ZC3H12C: variants seen among roughly 807,000 people sequenced by gnomAD.
ZC3H12C encodes zinc finger CCCH-type containing 12C, also known as probable ribonuclease ZC3H12C.
A neutral mutation model predicts 76.3 loss-of-function variants in ZC3H12C; 20 were observed. The ratio of observed to expected loss-of-function variants is 0.26; its 90% CI spans 0.18 to 0.38. The LOEUF (loss-of-function observed/expected upper bound fraction) is 0.38. ZC3H12C is among the 10% of genes least tolerant of loss of function. The pLI is 1.00. For missense variants in ZC3H12C, 874 were observed against 1,086.5 expected (o/e 0.80, Z 2.75); for synonymous variants, 352 against 399.6 (o/e 0.88, Z 1.42).
In ZC3H12C at chr11:110,156,061, G is replaced by C. The variant is rs533292104; in HGVS notation, c.913+3003G>C. Among the ~76,000 whole-genome samples the C allele has an allele frequency of 2.6e-5, 4 of 152,128 alleles. No individual in the cohort carries two copies. The East Asian group carries it at 7.7e-4, about 29-fold the overall frequency. Reference sequence around the variant, plus strand: ...AAAAATACCAGCATGCCAGTCCCTGGAACACATCAGTATGCAGATTGCTTT... The same window carrying C: ...AAAAATACCAGCATGCCAGTCCCTGCAACACATCAGTATGCAGATTGCTTT... On this transcript the variant is annotated intron_variant, in intron 3 of 5. Transcript: ENST00000278590.
At chr11:110,151,569 A>G (rs1439160538) in intron 2 of ZC3H12C, among the ~76,000 whole-genome samples, 1 of 152,198 alleles carries the variant, frequency 6.6e-6, no homozygotes, top group African/African-American at 2.4e-5. Context: ...CTCTCTAGAG[A>G]TACCATTTTC....
intron 1 of ZC3H12C, among the ~76,000 whole-genome samples, chr11:110,100,725 G>C (rs1861199603): frequency 6.6e-6 from 1 of 152,170 alleles, no homozygotes; most frequent in Non-Finnish European, 1.5e-5. Flanking sequence ...TGTTCTGAGT[G>C]CTCCATCGAC....
At chr11:110,133,002 A>C (rs1428680339) in intron 1 of ZC3H12C, among the ~76,000 whole-genome samples, 1 of 152,124 alleles carries the variant, frequency 6.6e-6, no homozygotes, top group Non-Finnish European at 1.5e-5. Context: ...TTTCTTCTTA[A>C]GTTTCTCATA....
At chr11:110,163,721 A>G (rs1377327509) in intron 5 of ZC3H12C, among the ~76,000 whole-genome samples, 5 of 152,156 alleles carry the variant, frequency 3.3e-5, no homozygotes, top group Non-Finnish European at 7.4e-5. Flanking sequence ...GTGCTCTTCA[A>G]AACAGAATTT....
chr11:110,147,709 C>T (rs1443060144), intron 2 of ZC3H12C, among the ~76,000 whole-genome samples: 3 of 152,064 alleles, frequency 2.0e-5, no homozygotes, highest in Non-Finnish European at 1.5e-5. Context: ...ATCCTTACTC[C>T]TTTTGCCTCC....
At chr11:110,159,974 G>A (rs1269468887) in intron 4 of ZC3H12C, among the ~76,000 whole-genome samples, 4 of 152,228 alleles carry the variant, frequency 2.6e-5, no homozygotes, top group South Asian at 2.1e-4. Context: ...CCTACTACAC[G>A]CCTAGGCGAT....
At chr11:110,103,451 G>T (rs907231523) in intron 1 of ZC3H12C, among the ~76,000 whole-genome samples, 1 of 152,078 alleles carries the variant, frequency 6.6e-6, no homozygotes, top group Non-Finnish European at 1.5e-5. Flanking sequence ...ACATTTATTG[G>T]TACTAACTTT....
At chr11:110,145,109 C>A (rs549040779) in intron 2 of ZC3H12C, among the ~76,000 whole-genome samples, 38 of 152,268 alleles carry the variant, frequency 2.5e-4, no homozygotes, top group African/African-American at 6.3e-4. Context: ...CATTACAAAA[C>A]CCACCTCTAT....
chr11:110,159,530 TA>T (rs1191917764), intron 4 of ZC3H12C, 40 bp downstream of exon 4: 8 of 1,474,928 alleles, frequency 5.4e-6, no homozygotes, highest in Non-Finnish European at 7.4e-6. Context: ...ACTGCTTCTG[TA>T]AAAATATAAC....
intron 3 of ZC3H12C, among the ~76,000 whole-genome samples, chr11:110,158,413 G>A (rs1862415880): frequency 6.6e-6 from 1 of 152,092 alleles, no homozygotes; most frequent in Non-Finnish European, 1.5e-5. Flanking sequence ...AGAAGGCTGA[G>A]GCACAAGAAT....
At chr11:110,129,096 C>T (rs1309059882) in intron 1 of ZC3H12C, among the ~76,000 whole-genome samples, 2 of 151,910 alleles carry the variant, frequency 1.3e-5, no homozygotes, top group Non-Finnish European at 2.9e-5. Flanking sequence ...TTGCTATAAC[C>T]CTTAGCAGAA....
At chr11:110,125,892 G>C (rs1335587996) in intron 1 of ZC3H12C, among the ~76,000 whole-genome samples, 1 of 101,318 alleles carries the variant, frequency 9.9e-6, no homozygotes, top group Non-Finnish European at 2.0e-5. Flanking sequence ...AGAACATAGT[G>C]CTGAATCATC....
chr11:110,116,630 G>GT (rs1416491499), intron 1 of ZC3H12C, among the ~76,000 whole-genome samples: 1 of 152,040 alleles, frequency 6.6e-6, no homozygotes, highest in Non-Finnish European at 1.5e-5. Context: ...TGACAATCAG[G>GT]TTTTCTATTT....
At chr11:110,134,215 C>T (rs916598592) in intron 1 of ZC3H12C, among the ~76,000 whole-genome samples, 3 of 151,816 alleles carry the variant, frequency 2.0e-5, no homozygotes, top group African/African-American at 7.3e-5. Flanking sequence ...ACAATGATGT[C>T]GGAGCTTCCA....
At chr11:110,157,848 C>T (rs1467281524) in intron 3 of ZC3H12C, among the ~76,000 whole-genome samples, 1 of 152,244 alleles carries the variant, frequency 6.6e-6, no homozygotes, top group East Asian at 1.9e-4. Context: ...TGTGTTTGTC[C>T]AGTGCAGTCA....
At chr11:110,099,280 T>C (rs1861169744) in intron 1 of ZC3H12C, among the ~76,000 whole-genome samples, 1 of 152,180 alleles carries the variant, frequency 6.6e-6, no homozygotes, top group Non-Finnish European at 1.5e-5. Flanking sequence ...TGAAGGTTTT[T>C]TAATGCCAAA....
chr11:110,165,950 A>T lies in ZC3H12C; in HGVS notation c.*213A>T. 1.9e-6 allele frequency: 1 copy of T among 521,250 alleles called. No individual in the cohort carries two copies. The allele number at this position is 521,250 out of a possible 1,614,324, so 32.3% of individuals were successfully genotyped here. A position where few individuals can be genotyped will look rare whatever the true frequency, so the allele number is the denominator to read the frequency against. On this transcript the variant is annotated 3_prime_UTR_variant, in exon 6 of 6. Transcript: ENST00000278590. Reference sequence around the variant, plus strand: ...TACATTTAAACTTTTTTTTTTTAACATTTCCTTTTTAAAGCTATATCCTTG... The same window carrying T: ...TACATTTAAACTTTTTTTTTTTAACTTTTCCTTTTTAAAGCTATATCCTTG...
intron 1 of ZC3H12C, 115 bp from the exon 2 acceptor site, chr11:110,136,548 T>C: frequency 8.6e-7 from 1 of 1,164,410 alleles, no homozygotes; most frequent in Non-Finnish European, 1.2e-6. Context: ...GAGGAGAGGA[T>C]GTAGACAAAA....
chr11:110,141,624 C>A (rs1013129355), intron 2 of ZC3H12C, among the ~76,000 whole-genome samples: 6 of 152,102 alleles, frequency 3.9e-5, no homozygotes, highest in Non-Finnish European at 5.9e-5. Flanking sequence ...ACAAATGAGA[C>A]TAAAAATTGC....
Sources: allele counts gnomAD v4.1 joint callset (sites outside exome capture counted in the v4.1 genomes callset), GRCh38; gene constraint gnomAD v4.1.1; transcripts MANE v1.5; gene names NCBI Gene and HGNC (gene_info 2026-07-23, HGNC 2026-07-21).